The following MCOLN2 variants were observed in gnomAD, a reference collection of about 807,000 sequenced individuals.
MCOLN2 encodes mucolipin-2.
MCOLN2 carries 57 observed loss-of-function variants against 67.5 expected under a neutral mutation model. That is an observed-to-expected ratio of 0.84 (90% CI 0.68 to 1.05). The LOEUF (loss-of-function observed/expected upper bound fraction) is 1.05. Ranked by LOEUF, MCOLN2 falls within the 50% of genes least tolerant of loss-of-function variation. The pLI, the probability that MCOLN2 is intolerant of heterozygous loss-of-function variation, is 0.00. For missense variants in MCOLN2, 620 were observed against 678.8 expected, an observed-to-expected ratio of 0.91 and a Z score of 0.96; for synonymous variants, 246 against 233.3, an observed-to-expected ratio of 1.05 and a Z score of -0.50.
chr1:84,958,576 A>G lies in MCOLN2; in HGVS notation c.364T>C (p.Tyr122His), dbSNP rs1368255859. The G allele has an allele frequency of 1.2e-6, 2 of 1,609,354 alleles. No homozygotes were observed. Among genetic ancestry groups the G allele is most frequent in the South Asian group, 1.1e-5 (1 of 89,602 alleles). The change falls in exon 3 of 14, where the codon TAT becomes CAT. Residue 122 changes from tyrosine to histidine, a missense_variant. Physicochemically the swap from Tyr to His is moderately conservative, Grantham distance 83. Coordinates refer to ENST00000370608, the MANE Select transcript of MCOLN2 (RefSeq NM_153259.4). ...CTCTCATAGGCATCCTCTTGAGTAT[A>G]TACACTGCAGCTGTAGTCATCTTCA... Reference protein sequence around the residue: ...TDEDDYSCSVYTQEDAYESIF... With the variant: ...TDEDDYSCSVHTQEDAYESIF...
chr1:84,980,808 G>T (rs755934087), intron 1 of MCOLN2, among the ~76,000 whole-genome samples: 2 of 151,910 alleles, frequency 1.3e-5, no homozygotes, highest in Non-Finnish European at 2.9e-5. Flanking sequence ...TGAACGAATG[G>T]GACCAAATCA....
chr1:84,977,914 T>C lies in MCOLN2; in HGVS notation c.78-12206A>G, dbSNP rs577210335. ...GATCTAATACATATTTACAGGACACTTCATCCAATGGCTACAGAATACACA... is the reference window on the plus strand; with the variant it reads ...GATCTAATACATATTTACAGGACACCTCATCCAATGGCTACAGAATACACA... On this transcript the variant is annotated intron_variant, in intron 1 of 13. Coordinates refer to ENST00000370608, the MANE Select transcript of MCOLN2 (RefSeq NM_153259.4). Among the ~76,000 whole-genome samples, 185 of 152,290 alleles carry C rather than the reference T, an allele frequency of 1.2e-3. 1 individual carries two copies. The highest frequency in any genetic ancestry group is 2.0e-3 in the Non-Finnish European group (133 of 68,018).
chr1:84,989,512 T>C (rs1650779688), intron 1 of MCOLN2, among the ~76,000 whole-genome samples: 1 of 152,144 alleles, frequency 6.6e-6, no homozygotes, highest in Admixed American at 6.5e-5. Context: ...AATAATTTGC[T>C]ATCCATTTGG....
At chr1:84,956,924 A>G (rs948103269) in intron 3 of MCOLN2, among the ~76,000 whole-genome samples, 3 of 151,932 alleles carry the variant, frequency 2.0e-5, no homozygotes, top group African/African-American at 7.3e-5. Flanking sequence ...TCACACGCAT[A>G]TTTTTGCCTC....
intron 5 of MCOLN2, 51 bp from the exon 6 acceptor site, chr1:84,952,390 T>G (rs768682299): frequency 3.2e-5 from 50 of 1,567,464 alleles, no homozygotes; most frequent in Non-Finnish European, 4.3e-5. Context: ...TACTATATAC[T>G]ATTCTCCTTC....
intron 11 of MCOLN2, 139 bp from the exon 12 acceptor site, chr1:84,931,707 T>A (rs1334483875): frequency 1.4e-6 from 1 of 710,750 alleles, no homozygotes; most frequent in Non-Finnish European, 2.4e-6. Context: ...TAGAACACCA[T>A]AAGAAGTAGG....
intron 1 of MCOLN2, among the ~76,000 whole-genome samples, chr1:84,967,661 A>G (rs975432526): frequency 1.5e-4 from 23 of 150,010 alleles, no homozygotes; most frequent in African/African-American, 5.6e-4. Context: ...CTGGAAAGGA[A>G]GGAAAAGAGG....
At chr1:84,996,615 C>T (rs753867436) in intron 1 of MCOLN2, among the ~76,000 whole-genome samples, 181 bp downstream of exon 1, 17 of 152,056 alleles carry the variant, frequency 1.1e-4, no homozygotes, top group South Asian at 2.1e-4. Flanking sequence ...AACCCTCCCA[C>T]CTGAGGGAAA....
intron 2 of MCOLN2, among the ~76,000 whole-genome samples, chr1:84,962,558 A>C (rs921668279): frequency 5.3e-5 from 8 of 152,194 alleles, no homozygotes; most frequent in African/African-American, 1.7e-4. Context: ...AATAATAAAA[A>C]ATAAAATTAG....
rs1661177861 is a variant in MCOLN2, at chr1:84,926,730, G to C, written c.1665-9C>G. On this transcript the variant is annotated splice_polypyrimidine_tract_variant and intron_variant, in intron 13 of 13. Coordinates refer to ENST00000370608, the MANE Select transcript of MCOLN2 (RefSeq NM_153259.4). ...GATCATCACTTCTTTTCCTGTAACA[G>C]AAAGGGAAAGAAGAAAAGAGGAAAG... 2.5e-6 allele frequency: 4 copies of C among 1,586,910 alleles called. No individual in the cohort carries two copies. The highest frequency in any genetic ancestry group is 3.4e-6 in the Non-Finnish European group (4 of 1,162,384).
intron 4 of MCOLN2, among the ~76,000 whole-genome samples, chr1:84,952,769 A>G (rs1648567089): frequency 6.6e-6 from 1 of 152,256 alleles, no homozygotes. Context: ...ATAAACAGAC[A>G]TGTACCTCCT....
chr1:84,958,592 G>A lies in MCOLN2; in HGVS notation c.348C>T (p.Asp116=), dbSNP rs778425032. Residue 116 remains aspartate (D), a synonymous_variant, in exon 3 of 14, where the codon GAC becomes GAT. Transcript: ENST00000370608. ...CTTGAGTATATACACTGCAGCTGTA[G>A]TCATCTTCATCTGTACCAGAATATC... The part of the protein sequence containing the change: ...LKGYSGTDED[D]YSCSVYTQED... 6.2e-7 allele frequency: 1 copy of A among 1,611,398 alleles called. No individual in the cohort carries two copies. The highest frequency in any genetic ancestry group is 1.7e-5 in the Admixed American group (1 of 59,040).
chr1:84,974,737 G>C (rs1649912950), intron 1 of MCOLN2, among the ~76,000 whole-genome samples: 1 of 152,018 alleles, frequency 6.6e-6, no homozygotes, highest in African/African-American at 2.4e-5. Context: ...GGCTCCTGGA[G>C]TCCCCAGTTC....
rs145029458 is a variant in MCOLN2 at position 84,970,524 on chromosome 1, A to T, written c.78-4816T>A. ...ATCTCTACTAAAAATACAAAAAAAA[A>T]AAAAAAATAACAGGCATGTGTGGTG... On this transcript the variant is annotated intron_variant, in intron 1 of 13. Coordinates refer to ENST00000370608, the MANE Select transcript of MCOLN2 (RefSeq NM_153259.4). Among the ~76,000 whole-genome samples, 46 of 151,888 alleles carry T rather than the reference A, an allele frequency of 3.0e-4. No individual in the cohort carries two copies. In the East Asian group the frequency reaches 8.2e-3, roughly 27 times the overall value.
At chr1:84,990,297 CAAAAAAAA>C (rs34226507) in intron 1 of MCOLN2, among the ~76,000 whole-genome samples, 3 of 34,956 alleles carry the variant, frequency 8.6e-5, no homozygotes, top group East Asian at 8.0e-4. Flanking sequence ...GACTCCATCT[CAAAAAAAA>C]AAAAAAAAAA....
chr1:84,986,798 G>A (rs1297474370), intron 1 of MCOLN2, among the ~76,000 whole-genome samples: 1 of 152,024 alleles, frequency 6.6e-6, no homozygotes, highest in Non-Finnish European at 1.5e-5. Context: ...CATCACTAAT[G>A]ATGAGGGAAA....
At chr1:84,934,725 G>C (rs1427303823) in intron 11 of MCOLN2, among the ~76,000 whole-genome samples, 3 of 152,088 alleles carry the variant, frequency 2.0e-5, no homozygotes, top group Non-Finnish European at 4.4e-5. Context: ...AGCCGCATTA[G>C]AGTAATGTTT....
chr1:84,947,924 C>T (rs567306914), intron 6 of MCOLN2, among the ~76,000 whole-genome samples: 1 of 152,372 alleles, frequency 6.6e-6, no homozygotes, highest in East Asian at 1.9e-4. Context: ...TGAATCCATG[C>T]AGCACCCCTT....
chr1:84,971,497 C>CAG (rs1649677763), intron 1 of MCOLN2, among the ~76,000 whole-genome samples: 1 of 98,052 alleles, frequency 1.0e-5, no homozygotes, highest in Non-Finnish European at 2.0e-5. Flanking sequence ...ATTAAACAGA[C>CAG]ATACACACAC....
Sources: allele counts gnomAD v4.1 joint callset (sites outside exome capture counted in the v4.1 genomes callset), GRCh38; gene constraint gnomAD v4.1.1; transcripts MANE v1.5; gene names NCBI Gene and HGNC (gene_info 2026-07-23, HGNC 2026-07-21).